TAMM41: variants seen among roughly 807,000 people sequenced by gnomAD.
TAMM41 encodes TAM41 mitochondrial translocator assembly and maintenance homolog.
A neutral mutation model predicts 44.1 loss-of-function variants in TAMM41; 36 were observed. That is an observed-to-expected ratio of 0.82 (90% CI 0.63 to 1.08). The LOEUF is 1.08. TAMM41 is among the 50% of genes least tolerant of loss of function. The pLI is 0.00. For missense variants in TAMM41, 417 were observed against 404.3 expected (o/e 1.03, Z -0.27); for synonymous variants, 164 against 153.1 (o/e 1.07, Z -0.53).
At chr3:11,754,708 C>CT in the TAMM41 span, among the ~76,000 whole-genome samples, 2,220 of 103,458 alleles carry the variant, frequency 0.021, 96 homozygotes, top group Middle Eastern at 0.038. Flanking sequence ...TCTCAGATCT[C>CT]TTTTTTTTTT....
chr3:11,772,215 C>T, the TAMM41 span, among the ~76,000 whole-genome samples: 7 of 151,414 alleles, frequency 4.6e-5, no homozygotes, highest in Non-Finnish European at 1.0e-4. Flanking sequence ...GGACTACAGG[C>T]GCCTGCCACC....
At chr3:11,734,878 C>CAA in the TAMM41 span, among the ~76,000 whole-genome samples, 7,754 of 73,126 alleles carry the variant, frequency 0.11, 351 homozygotes, top group East Asian at 0.2. Flanking sequence ...TACTAAAATA[C>CAA]AAAAAAAAAA....
Position 11,809,519 on chromosome 3 carries a change from A to G in TAMM41, c.872T>C (p.Leu291Pro). The stretch of plus-strand genomic sequence containing the variant: ...CAACATCAAATTCATAAACGTACCT[A>G]GTCGCACCACATCTCCACAGTCGGG... Reference protein sequence around the residue: ...HDPDCGDVVRLGLSAIVRPSS... With the variant: ...HDPDCGDVVRPGLSAIVRPSS... The change falls in exon 6 of 8, where the codon CTA becomes CCA. Residue 291 changes from leucine to proline, a missense_variant and splice_region_variant. Physicochemically the swap from Leu to Pro is moderately conservative, Grantham distance 98 (BLOSUM62 -3). Transcript: ENST00000455809. 1 of 1,613,740 alleles carries G rather than the reference A, an allele frequency of 6.2e-7. No homozygotes were observed. Among genetic ancestry groups the G allele is most frequent in the Non-Finnish European group, 8.5e-7 (1 of 1,179,960 alleles).
the TAMM41 span, among the ~76,000 whole-genome samples, chr3:11,738,871 A>C: frequency 6.6e-6 from 1 of 152,152 alleles, no homozygotes; most frequent in Non-Finnish European, 1.5e-5. Context: ...CTCCCGCTTG[A>C]CCCTGATGCA....
chr3:11,776,138 C>T, the TAMM41 span, among the ~76,000 whole-genome samples: 3 of 151,514 alleles, frequency 2.0e-5, no homozygotes, highest in Non-Finnish European at 2.9e-5. Flanking sequence ...CTCAGCCTCC[C>T]GAGTAGCTGG....
rs768681502 is a variant in TAMM41, at chr3:11,846,562, A to G, written c.75T>C (p.Ser25=). 1 of 1,614,104 alleles carries G rather than the reference A, an allele frequency of 6.2e-7. No homozygotes were observed. Among genetic ancestry groups the G allele is most frequent in the Non-Finnish European group, 8.5e-7 (1 of 1,180,018 alleles). The part of the protein sequence containing the change: ...KILSHFPEEL[S]LAFVYGSGVY... ...CCCCGGAGCCGTAGACGAAAGCCAGACTCAGCTCCTCGGGGAAGTGAGACA... is the reference window on the plus strand; with the variant it reads ...CCCCGGAGCCGTAGACGAAAGCCAGGCTCAGCTCCTCGGGGAAGTGAGACA... Residue 25 remains serine, a synonymous_variant, in exon 1 of 8, where the codon AGT becomes AGC. Transcript: ENST00000455809.
At chr3:11,843,724 T>TA (rs1168934185) in intron 2 of TAMM41, 15 of 257,742 alleles carry the variant, frequency 5.8e-5, no homozygotes, top group East Asian at 4.6e-4. Flanking sequence ...CTCAAAAAAA[T>TA]AAAAAAAATA....
intron 4 of TAMM41, among the ~76,000 whole-genome samples, chr3:11,825,942 T>C (rs930335366): frequency 1.3e-5 from 2 of 152,190 alleles, no homozygotes; most frequent in African/African-American, 2.4e-5. Context: ...TTTGTCAATA[T>C]GTAACAAGTT....
chr3:11,753,593 T>C, the TAMM41 span, among the ~76,000 whole-genome samples: 7 of 151,178 alleles, frequency 4.6e-5, no homozygotes, highest in African/African-American at 1.7e-4. Flanking sequence ...TAAAAAAAAG[T>C]GGGCGTGGTG....
chr3:11,761,491 C>G, the TAMM41 span, among the ~76,000 whole-genome samples: 1 of 151,968 alleles, frequency 6.6e-6, no homozygotes, highest in East Asian at 1.9e-4. Flanking sequence ...AGTTCCAGGC[C>G]CCAGGTCACT....
the TAMM41 span, chr3:11,724,996 G>A: frequency 8.5e-5 from 13 of 152,470 alleles, no homozygotes; most frequent in East Asian, 1.9e-4. Context: ...GACTCCTTCC[G>A]TATCTTCATA....
At chr3:11,791,452 TTATGGACTCAA>T (rs2077475526) in intron 7 of TAMM41, among the ~76,000 whole-genome samples, 1 of 152,122 alleles carries the variant, frequency 6.6e-6, no homozygotes, top group African/African-American at 2.4e-5. Flanking sequence ...GTGGATGCGA[TTATGGACTCAA>T]CTTCCTTTGT....
the TAMM41 span, among the ~76,000 whole-genome samples, chr3:11,731,083 C>G: frequency 6.6e-6 from 1 of 152,108 alleles, no homozygotes; most frequent in African/African-American, 2.4e-5. Context: ...AAAAGTGGGT[C>G]CCAGGTCAAA....
intron 5 of TAMM41, among the ~76,000 whole-genome samples, chr3:11,812,186 C>T (rs1326842098): frequency 6.6e-6 from 1 of 152,150 alleles, no homozygotes; most frequent in African/African-American, 2.4e-5. Flanking sequence ...CCTCAGCCTC[C>T]CAAAGTGCTG....
Position 11,817,236 on chromosome 3 carries a change from C to T in TAMM41, c.664G>A (p.Glu222Lys), listed in dbSNP as rs772080481. ...CTTTTATACACCACTTGAGGATTTT[C>T]CTGTAGTATGCTGCCATAGAGCTCT... is the stretch of plus-strand genomic sequence containing the variant. The part of the protein sequence containing the change: ...FRELYGSILQ[E>K]NPQVVYKSQQ... The change falls in exon 5 of 8, where the codon GAA (glutamate) becomes AAA (lysine). Residue 222 changes from glutamate (E) to lysine (K), a missense_variant. Physicochemically the swap from Glu to Lys is moderately conservative, Grantham distance 56. Coordinates refer to ENST00000455809, the MANE Select transcript of TAMM41 (RefSeq NM_001284401.2). 28 of 1,612,946 alleles carry T rather than the reference C, an allele frequency of 1.7e-5. No homozygotes were observed. In the South Asian group the frequency reaches 3.1e-4, roughly 18 times the overall value.
At chr3:11,810,941 G>C (rs1429188217) in intron 5 of TAMM41, 1 of 152,026 alleles carries the variant, frequency 6.6e-6, no homozygotes, top group Non-Finnish European at 1.5e-5. Context: ...AGACATGGTG[G>C]TGCAAGCCTA....
chr3:11,735,131 G>A, the TAMM41 span, among the ~76,000 whole-genome samples: 960 of 151,576 alleles, frequency 6.3e-3, 13 homozygotes, highest in African/African-American at 0.022. Flanking sequence ...AGGCTGAGAA[G>A]GGAGGATCAC....
chr3:11,769,400 G>A, the TAMM41 span, among the ~76,000 whole-genome samples: 3 of 143,984 alleles, frequency 2.1e-5, no homozygotes, highest in African/African-American at 7.9e-5. Flanking sequence ...GGTGTGGTTC[G>A]ATCTGAGGTT....
intron 7 of TAMM41, chr3:11,807,136 G>C: frequency 1.0e-6 from 1 of 979,688 alleles, no homozygotes; most frequent in South Asian, 4.7e-5. Context: ...ATGAGATACA[G>C]TAAATGGGGG....
Sources: allele counts gnomAD v4.1 joint callset (sites outside exome capture counted in the v4.1 genomes callset), GRCh38; gene constraint gnomAD v4.1.1; transcripts MANE v1.5; gene names NCBI Gene and HGNC (gene_info 2026-07-23, HGNC 2026-07-21).